FHIT: variants seen among roughly 807,000 people sequenced by gnomAD.
FHIT encodes the protein fragile histidine triad diadenosine triphosphatase.
In FHIT, 19 loss-of-function variants were observed where a neutral mutation model predicts 17.9. That is an observed-to-expected ratio of 1.06 (90% confidence interval 0.74 to 1.56). The LOEUF is 1.56. FHIT is among the 40% of genes most tolerant of loss of function. The probability of loss-of-function intolerance (pLI) is 0.00; values close to 1 mark genes in which losing one functional copy is unlikely to be tolerated. For missense variants in FHIT, 248 were observed against 189.2 expected (o/e 1.31, Z -1.82); for synonymous variants, 81 against 69.7 (o/e 1.16, Z -0.81).
intron 3 of FHIT, among the ~76,000 whole-genome samples, chr3:61,015,074 C>A (rs1482909824): frequency 6.6e-6 from 1 of 151,418 alleles, no homozygotes; most frequent in Non-Finnish European, 1.5e-5. Flanking sequence ...CAAAATGGGG[C>A]CTGACTTGGT....
intron 4 of FHIT, among the ~76,000 whole-genome samples, chr3:60,634,778 G>A (rs2039537219): frequency 6.6e-6 from 1 of 152,200 alleles, no homozygotes; most frequent in Non-Finnish European, 1.5e-5. Context: ...CACCCTAAAT[G>A]CTGTTTGCAA....
At chr3:60,302,352 C>A (rs1708489284) in intron 5 of FHIT, among the ~76,000 whole-genome samples, 1 of 152,158 alleles carries the variant, frequency 6.6e-6, no homozygotes, top group Admixed American at 6.6e-5. Context: ...ATTCACAGAT[C>A]TTTTACCTCC....
intron 7 of FHIT, among the ~76,000 whole-genome samples, chr3:59,962,603 C>T (rs987356678): frequency 3.3e-5 from 5 of 152,120 alleles, no homozygotes; most frequent in Non-Finnish European, 1.5e-5. Flanking sequence ...AGGGTTTAAT[C>T]CTCAGGCTTG....
intron 5 of FHIT, among the ~76,000 whole-genome samples, chr3:60,368,082 CAAGTA>C (rs1700180953): frequency 1.3e-5 from 2 of 150,804 alleles, no homozygotes; most frequent in African/African-American, 4.9e-5. Flanking sequence ...AGAATCTTTA[CAAGTA>C]AAGTGACTAT....
chr3:61,129,236 C>G (rs576431114), intron 2 of FHIT, among the ~76,000 whole-genome samples: 74 of 152,300 alleles, frequency 4.9e-4, no homozygotes, highest in African/African-American at 1.7e-3. Flanking sequence ...GACACAAACA[C>G]AGAGACATTC....
In FHIT at chr3:60,068,844, G is replaced by A. The variant is rs148358397; in HGVS notation, c.104-54692C>T. Among the ~76,000 whole-genome samples the A allele has an allele frequency of 6.8e-4, 104 of 152,118 alleles. 2 individuals carry two copies. The highest frequency in any genetic ancestry group is 6.3e-3 in the Admixed American group (96 of 15,292). On this transcript the variant is annotated intron_variant, in intron 5 of 9. Coordinates refer to ENST00000492590, the MANE Select transcript of FHIT (RefSeq NM_002012.4). ...ATTCTTGTTTTAAAAAAAATTAGAC[G>A]GTCCTAAGAATCTATGCTAAATGAT...
At chr3:60,906,953 G>C (rs141103389) in intron 3 of FHIT, among the ~76,000 whole-genome samples, 5 of 152,164 alleles carry the variant, frequency 3.3e-5, no homozygotes, top group African/African-American at 1.2e-4. Flanking sequence ...AACAGAGGTG[G>C]AGACCTCTTT....
chr3:61,008,646 C>A (rs2031601303), intron 3 of FHIT, among the ~76,000 whole-genome samples: 1 of 152,150 alleles, frequency 6.6e-6, no homozygotes, highest in Non-Finnish European at 1.5e-5. Context: ...CAAAACTAAG[C>A]CTGAGTGGGC....
At chr3:60,278,062 CAGAA>C (rs1382806683) in intron 5 of FHIT, among the ~76,000 whole-genome samples, 4 of 152,080 alleles carry the variant, frequency 2.6e-5, no homozygotes, top group Non-Finnish European at 5.9e-5. Flanking sequence ...AAAGCAAAAA[CAGAA>C]GGACCTAGGA....
rs986215797 is a variant in FHIT at position 61,027,379 on chromosome 3, A to C, written c.-111+14668T>G. ...TGGGATTACAGGCTTGTGCCAGCGC[A>C]CCCGGCCCTTATACTTTTATTATCT... On this transcript the variant is annotated intron_variant, in intron 3 of 9. Coordinates refer to ENST00000492590, the MANE Select transcript of FHIT (RefSeq NM_002012.4). Among the ~76,000 whole-genome samples the C allele has an allele frequency of 5.9e-5, 9 of 152,282 alleles. No homozygotes were observed. In the East Asian group the frequency reaches 1.5e-3, roughly 26 times the overall value.
intron 5 of FHIT, among the ~76,000 whole-genome samples, chr3:60,519,961 C>T (rs1445526323): frequency 6.6e-6 from 1 of 152,192 alleles, no homozygotes; most frequent in Non-Finnish European, 1.5e-5. Context: ...ACTCCCAACA[C>T]TTGAGCTCAC....
chr3:60,089,220 C>T (rs1223278033), intron 5 of FHIT, among the ~76,000 whole-genome samples: 3 of 152,196 alleles, frequency 2.0e-5, no homozygotes, highest in Admixed American at 6.5e-5. Context: ...TCTTAACAAA[C>T]ACAAGTGATT....
At chr3:59,951,263 T>C (rs1707102274) in intron 7 of FHIT, among the ~76,000 whole-genome samples, 1 of 151,892 alleles carries the variant, frequency 6.6e-6, no homozygotes, top group African/African-American at 2.4e-5. Flanking sequence ...GTTCTGTGCA[T>C]GGAAATAACA....
At chr3:60,302,818 C>A (rs1708505670) in intron 5 of FHIT, among the ~76,000 whole-genome samples, 1 of 152,082 alleles carries the variant, frequency 6.6e-6, no homozygotes, top group Non-Finnish European at 1.5e-5. Flanking sequence ...ACTGAAATGG[C>A]TAGGCTCAAA....
chr3:59,959,515 T>C (rs1365195176), intron 7 of FHIT, among the ~76,000 whole-genome samples: 2 of 152,210 alleles, frequency 1.3e-5, no homozygotes, highest in Non-Finnish European at 2.9e-5. Context: ...GTGGCAATAC[T>C]ATAGGAGGTA....
In FHIT at chr3:60,499,553, G is replaced by A. The variant is rs376099586; in HGVS notation, c.103+37307C>T. 1.1e-4 allele frequency among the ~76,000 whole-genome samples: 16 copies of A among 152,220 alleles called. 1 individual carries two copies. Among genetic ancestry groups the A allele is most frequent in the African/African-American group, 3.6e-4 (15 of 41,532 alleles). On this transcript the variant is annotated intron_variant, in intron 5 of 9. Coordinates refer to ENST00000492590, the MANE Select transcript of FHIT (RefSeq NM_002012.4). ...ACTATAAGTGCCCGCCACCGCACCC[G>A]GCTAATATTTTGTATCTTTAGTAGA... is the stretch of plus-strand genomic sequence containing the variant.
At chr3:61,184,610 G>C (rs1157393302) in intron 2 of FHIT, among the ~76,000 whole-genome samples, 1 of 152,172 alleles carries the variant, frequency 6.6e-6, no homozygotes, top group East Asian at 1.9e-4. Context: ...AGAAGGGCCA[G>C]CATGCATTCT....
chr3:60,177,939 A>C (rs964704571), intron 5 of FHIT, among the ~76,000 whole-genome samples: 1 of 152,218 alleles, frequency 6.6e-6, no homozygotes, highest in Admixed American at 6.5e-5. Flanking sequence ...CTGGTATGCC[A>C]CATAGGATTA....
In FHIT at chr3:60,881,835, G is replaced by C. The variant is rs560023979; in HGVS notation, c.-110-59824C>G. Among the ~76,000 whole-genome samples the C allele has an allele frequency of 9.1e-4, 139 of 151,946 alleles. 2 individuals are homozygous for C. The South Asian group carries it at 0.027, about 29-fold the overall frequency. Reference sequence around the variant, plus strand: ...GACTTTAAATAAATAATCTAACAGTGCAAGAACAAAAATGAAAACAAGAAC... The same window carrying C: ...GACTTTAAATAAATAATCTAACAGTCCAAGAACAAAAATGAAAACAAGAAC... On this transcript the variant is annotated intron_variant, in intron 3 of 9. Coordinates refer to ENST00000492590, the MANE Select transcript of FHIT (RefSeq NM_002012.4).
Sources: gnomAD v4.1 joint callset for allele counts (sites outside exome capture counted in the v4.1 genomes callset) on GRCh38, gnomAD v4.1.1 for gene constraint, MANE v1.5 for transcripts, NCBI Gene and HGNC (gene_info 2026-07-23, HGNC 2026-07-21) for gene names.